Variants in CLYBL observed in about 807,000 individuals in gnomAD.
CLYBL encodes the protein citramalyl-CoA lyase, mitochondrial.
In CLYBL, 31 loss-of-function variants were observed where a neutral mutation model predicts 38.9. The ratio of observed to expected loss-of-function variants is 0.80; its 90% CI spans 0.60 to 1.08. CLYBL has a LOEUF of 1.08. Ranked by LOEUF, CLYBL falls within the 50% of genes least tolerant of loss-of-function variation. The pLI, the probability that CLYBL is intolerant of heterozygous loss-of-function variation, is 0.00. For missense variants in CLYBL, 434 were observed against 411.6 expected (o/e 1.05, Z -0.47); for synonymous variants, 171 against 158.6 (o/e 1.08, Z -0.59).
At chr13:99,880,246 G>T (rs2052169500) in intron 7 of CLYBL, among the ~76,000 whole-genome samples, 1 of 151,526 alleles carries the variant, frequency 6.6e-6, no homozygotes, top group Admixed American at 6.6e-5. Context: ...TGTATTTTTG[G>T]TAGAGACGGG....
intron 1 of CLYBL, chr13:99,726,681 G>GGCCT (rs2048478152): frequency 6.6e-6 from 1 of 152,370 alleles, no homozygotes; most frequent in African/African-American, 2.4e-5. Context: ...GGCTGGCACA[G>GGCCT]GCCTGGCCCT....
intron 1 of CLYBL, among the ~76,000 whole-genome samples, chr13:99,750,736 A>T (rs569127280): frequency 4.4e-3 from 195 of 43,842 alleles, no homozygotes; most frequent in South Asian, 0.016. Context: ...CTCTTTTTTT[A>T]AAAAAAAAAT....
intron 2 of CLYBL, among the ~76,000 whole-genome samples, chr13:99,820,078 G>A (rs865879614): frequency 1.3e-5 from 2 of 152,304 alleles, no homozygotes; most frequent in South Asian, 4.1e-4. Context: ...TTCCCCAAGT[G>A]TCGGGCCCTC....
chr13:99,895,870 TG>T (rs10707455), downstream of CLYBL: 109,666 of 152,132 alleles, frequency 0.72, 40,012 homozygotes, highest in African/African-American at 0.79. Context: ...CAAAATCATT[TG>T]GGGACTTCTT....
chr13:99,856,793 TACACC>T (rs2051469755), intron 2 of CLYBL, among the ~76,000 whole-genome samples: 1 of 151,742 alleles, frequency 6.6e-6, no homozygotes, highest in South Asian at 2.1e-4. Context: ...TATGTGCCAC[TACACC>T]CGGCTAATTT....
chr13:99,663,500 T>C (rs1456313759), intron 1 of CLYBL, among the ~76,000 whole-genome samples: 1 of 152,134 alleles, frequency 6.6e-6, no homozygotes, highest in Non-Finnish European at 1.5e-5. Flanking sequence ...TCAGAAAGTG[T>C]CACCAAGCCC....
At chr13:99,634,897 C>T (rs2046997498) in intron 1 of CLYBL, among the ~76,000 whole-genome samples, 2 of 152,270 alleles carry the variant, frequency 1.3e-5, no homozygotes, top group African/African-American at 4.8e-5. Context: ...CCTTGGGCAC[C>T]TTCTTTCCAT....
At chr13:99,780,040 C>T (rs2049607948) in intron 2 of CLYBL, among the ~76,000 whole-genome samples, 1 of 152,066 alleles carries the variant, frequency 6.6e-6, no homozygotes, top group Non-Finnish European at 1.5e-5. Flanking sequence ...CAAATCTTTA[C>T]CGACTTCTAT....
At chr13:99,692,287 T>G (rs866189277) in intron 1 of CLYBL, among the ~76,000 whole-genome samples, 8 of 89,734 alleles carry the variant, frequency 8.9e-5, no homozygotes, top group Non-Finnish European at 1.5e-4. Flanking sequence ...GTTTTTTTTG[T>G]TTTTTTTTTT....
rs2139153248 is a variant in CLYBL at position 99,606,753 on chromosome 13, A to G, written c.58A>G (p.Arg20Gly). ...CGGAGCTGCGGCGGCGGCGCTGCTG[A>G]GGCTGTGAGTGCAGGTCCCCGTTCC... ...ARGAAAAALL[R>G]LKASLAADIP... The change falls in exon 1 of 9, where the codon AGG becomes GGG. Residue 20 changes from arginine (R) to glycine (G), a missense_variant. Transcript: ENST00000339105. The G allele has an allele frequency of 1.4e-6, 2 of 1,477,182 alleles. No homozygotes were observed. The highest frequency in any genetic ancestry group is 1.8e-6 in the Non-Finnish European group (2 of 1,119,222). 91.5% of individuals were successfully genotyped at this position (1,477,182 alleles called of 1,614,324 possible). A position where few individuals can be genotyped will look rare whatever the true frequency, so the allele number is the denominator to read the frequency against.
rs139615585 is a variant in CLYBL, at chr13:99,871,017, T to C, written c.882T>C (p.Ala294=). The change falls in exon 7 of 9, where the codon GCT becomes GCC. Residue 294 remains alanine (A), a synonymous_variant. Coordinates refer to ENST00000339105, the MANE Select transcript of CLYBL (RefSeq NM_206808.5). ...CTTCCCCTGAAAAAATTAAGTGGGC[T>C]GAAGAACTGATTGCTGCCTTTAAAG... is the stretch of plus-strand genomic sequence containing the variant. ...FSPSPEKIKW[A]EELIAAFKEH... 1 of 1,613,998 alleles carries C rather than the reference T, an allele frequency of 6.2e-7. No individual in the cohort carries two copies. The highest frequency in any genetic ancestry group is 1.1e-5 in the South Asian group (1 of 91,062).
intron 7 of CLYBL, among the ~76,000 whole-genome samples, chr13:99,888,698 G>A (rs751784325): frequency 3.5e-4 from 54 of 152,188 alleles, no homozygotes; most frequent in African/African-American, 1.2e-3. Flanking sequence ...GCAGTGAGCC[G>A]AGGTAACACC....
intron 1 of CLYBL, among the ~76,000 whole-genome samples, chr13:99,656,784 G>A (rs911560529): frequency 6.6e-6 from 1 of 152,136 alleles, no homozygotes; most frequent in African/African-American, 2.4e-5. Context: ...TTAATGAGTT[G>A]TTTTATCAAA....
At chr13:99,645,167 C>G (rs2139283134) in intron 1 of CLYBL, among the ~76,000 whole-genome samples, 1 of 152,194 alleles carries the variant, frequency 6.6e-6, no homozygotes, top group East Asian at 1.9e-4. Flanking sequence ...TTTTCCATAT[C>G]CTCGCTAGCA....
chr13:99,893,884 C>G (rs2052536913), downstream of CLYBL: 1 of 152,530 alleles, frequency 6.6e-6, no homozygotes, highest in African/African-American at 2.4e-5. Context: ...GGACTGCTCG[C>G]CACGCCACTG....
At chr13:99,819,465 T>TATATATATATATATATATATATAA (rs1366110606) in intron 2 of CLYBL, among the ~76,000 whole-genome samples, 2 of 58,752 alleles carry the variant, frequency 3.4e-5, no homozygotes, top group Non-Finnish European at 3.2e-5. Flanking sequence ...TATATATATA[T>TATATATATATATATATATATATAA]ATAATATTTG....
chr13:99,641,672 C>T (rs943033144), intron 1 of CLYBL, among the ~76,000 whole-genome samples: 2 of 151,466 alleles, frequency 1.3e-5, no homozygotes, highest in African/African-American at 4.8e-5. Context: ...ATTAGCCAGG[C>T]ATGGCAGCGT....
chr13:99,782,364 G>A (rs1185962424), intron 2 of CLYBL, among the ~76,000 whole-genome samples: 1 of 152,084 alleles, frequency 6.6e-6, no homozygotes, highest in Non-Finnish European at 1.5e-5. Context: ...AACATTAGCT[G>A]GGCGTGGTGG....
chr13:99,622,267 A>G (rs1347410635), intron 1 of CLYBL, among the ~76,000 whole-genome samples: 3 of 152,246 alleles, frequency 2.0e-5, no homozygotes, highest in East Asian at 1.9e-4. Context: ...TGACATATCA[A>G]TAAATACTGG....
Sources: allele counts gnomAD v4.1 joint callset (sites outside exome capture counted in the v4.1 genomes callset), GRCh38; gene constraint gnomAD v4.1.1; transcripts MANE v1.5; gene names NCBI Gene and HGNC (gene_info 2026-07-23, HGNC 2026-07-21).